The following SLC25A48 variants were observed in gnomAD, a reference collection of about 807,000 sequenced individuals.
SLC25A48 encodes the protein solute carrier family 25 member 48, also known as CTC-321K16.1.
SLC25A48 carries 29 observed loss-of-function variants against 32.2 expected under a neutral mutation model. The ratio of observed to expected loss-of-function variants is 0.90; its 90% CI spans 0.67 to 1.23. The LOEUF is 1.23. Ranked by LOEUF, SLC25A48 falls within the 50% of genes most tolerant of loss-of-function variation. The pLI is 0.00. For missense variants in SLC25A48, 399 were observed against 422.7 expected (o/e 0.94, Z 0.49); for synonymous variants, 164 against 172.3 (o/e 0.95, Z 0.38).
At chr5:135,690,686 C>T (rs1754123770) in intron 3 of SLC25A48, among the ~76,000 whole-genome samples, 1 of 152,184 alleles carries the variant, frequency 6.6e-6, no homozygotes, top group South Asian at 2.1e-4. Context: ...TGAGAGGTGT[C>T]TGGTGAGCCA....
At chr5:135,657,067 A>G (rs541659866) in intron 3 of SLC25A48, among the ~76,000 whole-genome samples, 1 of 152,142 alleles carries the variant, frequency 6.6e-6, no homozygotes, top group Admixed American at 6.5e-5. Context: ...CCCCTCCTCA[A>G]TGGGCATCTG....
At chr5:135,604,596 C>A (rs997604218) in intron 1 of SLC25A48, among the ~76,000 whole-genome samples, 1 of 152,204 alleles carries the variant, frequency 6.6e-6, no homozygotes, top group Non-Finnish European at 1.5e-5. Context: ...GGTCCCACCC[C>A]AACCTTGTAG....
chr5:135,646,625 G>GTA (rs1184499282), intron 3 of SLC25A48, among the ~76,000 whole-genome samples: 22 of 135,964 alleles, frequency 1.6e-4, no homozygotes, highest in East Asian at 9.6e-4. Context: ...TCCCATTTAT[G>GTA]TATATATATA....
intron 3 of SLC25A48, among the ~76,000 whole-genome samples, chr5:135,768,641 T>C (rs73789147): frequency 0.042 from 6,447 of 151,746 alleles, 277 homozygotes; most frequent in African/African-American, 0.11. Flanking sequence ...CCCCCTGTTA[T>C]ATTGTTCATA....
At position 135,734,795 on chromosome 5, in the gene SLC25A48, C is replaced by G. The variant is rs377497890; in HGVS notation, c.-520-77728C>G. ...TCGTGCCACTGCACTCCAGCCTGGG[C>G]GACAGAGCAAGACTGCATCTCAAAA... On this transcript the variant is annotated intron_variant, in intron 3 of 10. Transcript: ENST00000646290. Among the ~76,000 whole-genome samples the G allele has an allele frequency of 4.7e-4, 64 of 137,470 alleles. 2 individuals are homozygous for G. The East Asian group carries it at 0.013, about 29-fold the overall frequency. The allele number at this position is 137,470 out of a possible 152,430, so 90.2% of individuals were successfully genotyped here. A position where few individuals can be genotyped will look rare whatever the true frequency, so the allele number is the denominator to read the frequency against.
chr5:135,774,461 A>T (rs114241890), intron 3 of SLC25A48, among the ~76,000 whole-genome samples: 289 of 151,830 alleles, frequency 1.9e-3, no homozygotes, highest in African/African-American at 6.6e-3. Flanking sequence ...TGTTCTTAAT[A>T]TCCAGAAGGG....
intron 3 of SLC25A48, among the ~76,000 whole-genome samples, chr5:135,695,285 C>T (rs1754239062): frequency 9.7e-6 from 1 of 103,022 alleles, no homozygotes; most frequent in Non-Finnish European, 2.2e-5. Context: ...TCTTCGCAGC[C>T]ATCTGAAATT....
intron 4 of SLC25A48, among the ~76,000 whole-genome samples, chr5:135,869,843 G>A (rs367949309): frequency 3.5e-4 from 53 of 152,266 alleles, no homozygotes; most frequent in African/African-American, 1.2e-3. Flanking sequence ...ATCCACTGTG[G>A]AAGAAGTTGG....
intron 1 of SLC25A48, among the ~76,000 whole-genome samples, chr5:135,582,164 C>T (rs1486237702): frequency 6.6e-6 from 1 of 152,184 alleles, no homozygotes; most frequent in Admixed American, 6.5e-5. Flanking sequence ...CAGGACATCA[C>T]TCCTTGAGGG....
At chr5:135,744,578 C>T (rs999734831) in intron 3 of SLC25A48, among the ~76,000 whole-genome samples, 1 of 151,474 alleles carries the variant, frequency 6.6e-6, no homozygotes, top group Non-Finnish European at 1.5e-5. Flanking sequence ...CTCAAGTGAT[C>T]CACCTGCCTC....
At chr5:135,669,840 T>C (rs1356606257) in intron 3 of SLC25A48, among the ~76,000 whole-genome samples, 1 of 152,188 alleles carries the variant, frequency 6.6e-6, no homozygotes, top group Non-Finnish European at 1.5e-5. Context: ...GAGATGGCAA[T>C]GCAAGTCCCT....
At chr5:135,817,394 A>G (rs1290583598) in intron 4 of SLC25A48, among the ~76,000 whole-genome samples, 1 of 152,254 alleles carries the variant, frequency 6.6e-6, no homozygotes, top group East Asian at 1.9e-4. Flanking sequence ...ATCCACATGT[A>G]TATTACTGAT....
intron 3 of SLC25A48, among the ~76,000 whole-genome samples, chr5:135,749,085 C>A (rs952367848): frequency 6.6e-6 from 1 of 152,042 alleles, no homozygotes; most frequent in Non-Finnish European, 1.5e-5. Context: ...CATTTCCTGG[C>A]GGGCTCCTCC....
chr5:135,842,564 A>C, intron 2 of SLC25A48, 105 bp downstream of exon 2: 2 of 1,205,624 alleles, frequency 1.7e-6, no homozygotes, highest in Non-Finnish European at 2.4e-6. Context: ...TCTTCTGCCC[A>C]GGGCAGACTC....
intron 3 of SLC25A48, among the ~76,000 whole-genome samples, chr5:135,697,518 TG>T (rs1270843678): frequency 6.6e-5 from 10 of 152,216 alleles, no homozygotes; most frequent in Non-Finnish European, 5.9e-5. Flanking sequence ...GTTAGACCAG[TG>T]GGAGTGTGCC....
chr5:135,700,958 CTCACTT>C (rs1037178832), intron 3 of SLC25A48, among the ~76,000 whole-genome samples: 1 of 152,160 alleles, frequency 6.6e-6, no homozygotes, highest in Admixed American at 6.5e-5. Context: ...CCTGGGGGAG[CTCACTT>C]TCCTGCCTTG....
chr5:135,728,519 TC>T (rs1360803402), intron 3 of SLC25A48, among the ~76,000 whole-genome samples: 1 of 152,172 alleles, frequency 6.6e-6, no homozygotes, highest in Non-Finnish European at 1.5e-5. Flanking sequence ...ATATGGCTAA[TC>T]CCTCACTGTT....
At chr5:135,713,675 C>T (rs73285086) in intron 3 of SLC25A48, among the ~76,000 whole-genome samples, 31 of 152,312 alleles carry the variant, frequency 2.0e-4, no homozygotes, top group African/African-American at 7.2e-4. Context: ...GGTGAGGAGG[C>T]GTTTTGAAGC....
intron 7 of SLC25A48, among the ~76,000 whole-genome samples, chr5:135,887,477 TAC>T (rs200157594): frequency 2.6e-5 from 4 of 151,118 alleles, no homozygotes; most frequent in Admixed American, 6.6e-5. Flanking sequence ...TGTGTACATA[TAC>T]ACACACACAC....
Sources: gnomAD v4.1 joint callset for allele counts (sites outside exome capture counted in the v4.1 genomes callset) on GRCh38, gnomAD v4.1.1 for gene constraint, MANE v1.5 for transcripts, NCBI Gene and HGNC (gene_info 2026-07-23, HGNC 2026-07-21) for gene names.